Variants in DLGAP2 observed in about 807,000 individuals in gnomAD.
DLGAP2 encodes the protein disks large-associated protein 2.
A neutral mutation model predicts 100.3 loss-of-function variants in DLGAP2; 26 were observed. The ratio of observed to expected loss-of-function variants is 0.26; its 90% CI spans 0.19 to 0.36. The LOEUF (loss-of-function observed/expected upper bound fraction) is 0.36. DLGAP2 is among the 10% of genes least tolerant of loss of function. The probability of loss-of-function intolerance (pLI) is 1.00; values close to 1 mark genes in which losing one functional copy is unlikely to be tolerated. For missense variants in DLGAP2, 1,858 were observed against 1,453.2 expected, an observed-to-expected ratio of 1.28 and a Z score of -4.53; for synonymous variants, 886 against 630.1, an observed-to-expected ratio of 1.41 and a Z score of -6.08.
chr8:1,123,811 A>G (rs1796104342), intron 2 of DLGAP2, among the ~76,000 whole-genome samples: 1 of 152,048 alleles, frequency 6.6e-6, no homozygotes, highest in Non-Finnish European at 1.5e-5. Context: ...TTCAATATTA[A>G]TTAATAATGT....
intron 1 of DLGAP2, among the ~76,000 whole-genome samples, chr8:768,016 G>C (rs1821258602): frequency 6.6e-6 from 1 of 152,174 alleles, no homozygotes; most frequent in Non-Finnish European, 1.5e-5. Flanking sequence ...AATTTAGAGG[G>C]ACATGGTGGA....
chr8:1,211,050 C>T (rs764040401), intron 2 of DLGAP2, among the ~76,000 whole-genome samples: 1 of 152,236 alleles, frequency 6.6e-6, no homozygotes, highest in East Asian at 1.9e-4. Flanking sequence ...TCGGCTCTTC[C>T]GCCAGCCTTG....
intron 2 of DLGAP2, among the ~76,000 whole-genome samples, chr8:1,010,359 GCACT>G (rs1170708415): frequency 6.7e-6 from 1 of 148,910 alleles, no homozygotes; most frequent in African/African-American, 2.5e-5. Context: ...ATGCACACAC[GCACT>G]CATTCTCACA....
intron 3 of DLGAP2, among the ~76,000 whole-genome samples, chr8:1,424,819 C>T (rs549365209): frequency 3.5e-4 from 54 of 152,336 alleles, no homozygotes; most frequent in African/African-American, 1.2e-3. Context: ...TTATACGCAG[C>T]ACCTGGAGGA....
intron 4 of DLGAP2, among the ~76,000 whole-genome samples, chr8:1,526,738 G>A (rs1469896396): frequency 6.6e-6 from 1 of 152,302 alleles, no homozygotes; most frequent in African/African-American, 2.4e-5. Flanking sequence ...ATCAAGAGAG[G>A]AAGGAGGGAG....
intron 2 of DLGAP2, among the ~76,000 whole-genome samples, chr8:1,163,963 C>T (rs1252202785): frequency 6.6e-6 from 1 of 152,214 alleles, no homozygotes; most frequent in Admixed American, 6.5e-5. Context: ...GCCTGCCAGG[C>T]CTCCTAGACG....
chr8:1,690,020 G>A (rs1336519168), intron 12 of DLGAP2, among the ~76,000 whole-genome samples: 1 of 152,188 alleles, frequency 6.6e-6, no homozygotes, highest in Non-Finnish European at 1.5e-5. Context: ...ATCTACCAAA[G>A]CAGCTGTTTA....
chr8:926,861 G>T (rs745551779), intron 2 of DLGAP2, among the ~76,000 whole-genome samples: 4 of 152,256 alleles, frequency 2.6e-5, no homozygotes, highest in Admixed American at 6.5e-5. Context: ...TAATCCTGGT[G>T]GGGCTCACAG....
At chr8:930,255 T>G (rs939752671) in intron 2 of DLGAP2, among the ~76,000 whole-genome samples, 4 of 152,188 alleles carry the variant, frequency 2.6e-5, no homozygotes, top group African/African-American at 9.7e-5. Flanking sequence ...GTTCTCCTCT[T>G]GGTTGATCAT....
chr8:1,089,706 T>A (rs1208694156), intron 2 of DLGAP2, among the ~76,000 whole-genome samples: 1 of 152,266 alleles, frequency 6.6e-6, no homozygotes, highest in Non-Finnish European at 1.5e-5. Context: ...TTTTATCATT[T>A]ATCATGGCAG....
chr8:1,120,665 C>A (rs1585079151), intron 2 of DLGAP2, among the ~76,000 whole-genome samples: 1 of 151,646 alleles, frequency 6.6e-6, no homozygotes, highest in Non-Finnish European at 1.5e-5. Context: ...AAACCCTAGT[C>A]CTTTGGATGC....
chr8:1,699,232 G>C (rs138988044), intron 14 of DLGAP2, among the ~76,000 whole-genome samples: 2 of 152,192 alleles, frequency 1.3e-5, no homozygotes, highest in African/African-American at 2.4e-5. Context: ...ACGTCTTTGG[G>C]AGGCCAAGGT....
intron 3 of DLGAP2, among the ~76,000 whole-genome samples, chr8:1,420,422 A>G (rs374130185): frequency 4.0e-5 from 6 of 151,706 alleles, no homozygotes; most frequent in African/African-American, 1.5e-4. Context: ...TCTCTCTTCC[A>G]CTCTACGCTG....
intron 1 of DLGAP2, among the ~76,000 whole-genome samples, chr8:877,234 A>G (rs1043166411): frequency 6.6e-6 from 1 of 152,076 alleles, no homozygotes; most frequent in Non-Finnish European, 1.5e-5. Context: ...CAGAAACTGG[A>G]CATTTTGATA....
chr8:820,624 A>G (rs558497985), intron 1 of DLGAP2, among the ~76,000 whole-genome samples: 113 of 152,340 alleles, frequency 7.4e-4, no homozygotes, highest in Admixed American at 3.5e-3. Flanking sequence ...AGGCAAAAGC[A>G]AGAAGATTGT....
At chr8:1,104,137 C>T (rs1804677448) in intron 2 of DLGAP2, among the ~76,000 whole-genome samples, 1 of 152,164 alleles carries the variant, frequency 6.6e-6, no homozygotes, top group Non-Finnish European at 1.5e-5. Context: ...GGGGGTACCA[C>T]GTGTTAGGGT....
chr8:1,286,749 T>G (rs1479551021), intron 3 of DLGAP2, among the ~76,000 whole-genome samples: 1 of 152,238 alleles, frequency 6.6e-6, no homozygotes, highest in Non-Finnish European at 1.5e-5. Flanking sequence ...ATCTTCAAAG[T>G]GCACCCTCTG....
intron 6 of DLGAP2, among the ~76,000 whole-genome samples, chr8:1,570,044 A>T (rs1166138229): frequency 3.3e-5 from 5 of 152,234 alleles, no homozygotes; most frequent in African/African-American, 1.2e-4. Flanking sequence ...GAATTCCCAT[A>T]GTTGTCACTC....
At chr8:1,201,600 G>T (rs1427653918) in intron 2 of DLGAP2, among the ~76,000 whole-genome samples, 1 of 152,218 alleles carries the variant, frequency 6.6e-6, no homozygotes, top group African/African-American at 2.4e-5. Context: ...CACGGCAGGG[G>T]TAGACACAGG....
Sources: allele counts gnomAD v4.1 joint callset (sites outside exome capture counted in the v4.1 genomes callset), GRCh38; gene constraint gnomAD v4.1.1; transcripts MANE v1.5; gene names NCBI Gene and HGNC (gene_info 2026-07-23, HGNC 2026-07-21).